The following GAB1 variants were observed in gnomAD, a reference collection of about 807,000 sequenced individuals.
GAB1 encodes the protein GRB2-associated-binding protein 1.
Under a neutral mutation model 66.5 loss-of-function variants are expected in GAB1, and 19 were observed. That is an observed-to-expected ratio of 0.29 (90% CI 0.20 to 0.42). The LOEUF (loss-of-function observed/expected upper bound fraction) is 0.42. Ranked by LOEUF, GAB1 falls within the 10% of genes least tolerant of loss-of-function variation. The pLI is 1.00. For synonymous variants in GAB1, 294 were observed against 301.4 expected (o/e 0.98, Z 0.25); for missense variants, 732 against 858.5 (o/e 0.85, Z 1.84).
At chr4:143,360,398 G>A (rs755126049) in intron 1 of GAB1, among the ~76,000 whole-genome samples, 1 of 151,352 alleles carries the variant, frequency 6.6e-6, no homozygotes, top group Non-Finnish European at 1.5e-5. Context: ...TGAACTAAAG[G>A]TTAAAAAACC....
chr4:143,339,125 A>G (rs1728749068), intron 1 of GAB1, among the ~76,000 whole-genome samples: 1 of 152,258 alleles, frequency 6.6e-6, no homozygotes, highest in African/African-American at 2.4e-5. Flanking sequence ...TCTATTTTAC[A>G]GAAAACAGTC....
rs1009292455 is a variant in GAB1, at chr4:143,445,414, CT to C, written c.1585+5036del. On this transcript the variant is annotated intron_variant, in intron 6 of 9. Transcript: ENST00000262994. ...CATTTCTAGAAGTATCAGTTCATGT[CT>C]TTTACCCATTTTTTAATGGGGTTAC... Among the ~76,000 whole-genome samples the C allele has an allele frequency of 2.6e-5, 4 of 152,172 alleles. No individual in the cohort carries two copies. The South Asian group carries it at 8.3e-4, about 32-fold the overall frequency.
In GAB1 at chr4:143,337,274, C is replaced by A. The variant is rs368281444; in HGVS notation, c.72+14C>A. Reference sequence around the variant, plus strand: ...TTGAAGCGTTATGTAAGTAGAGCTGCGGGCACCACTCCGCGGGCCTCGGCG... The same window carrying A: ...TTGAAGCGTTATGTAAGTAGAGCTGAGGGCACCACTCCGCGGGCCTCGGCG... On this transcript the variant is annotated intron_variant, in intron 1 of 9. Transcript: ENST00000262994. The A allele has an allele frequency of 6.4e-7, 1 of 1,567,480 alleles. No homozygotes were observed. The highest frequency in any genetic ancestry group is 2.3e-5 in the East Asian group (1 of 43,304).
intron 1 of GAB1, chr4:143,391,393 G>C (rs776812343): frequency 6.6e-6 from 1 of 152,174 alleles, no homozygotes; most frequent in Non-Finnish European, 1.5e-5. Context: ...GGATGGGAAT[G>C]TATTAAAAGG....
At chr4:143,426,753 T>C (rs1733379794) in intron 2 of GAB1, among the ~76,000 whole-genome samples, 1 of 152,174 alleles carries the variant, frequency 6.6e-6, no homozygotes, top group Non-Finnish European at 1.5e-5. Context: ...ATTATTAGGA[T>C]ATGACTTCTT....
intron 1 of GAB1, chr4:143,395,619 T>C (rs1020206354): frequency 1.5e-5 from 4 of 273,100 alleles, no homozygotes; most frequent in Non-Finnish European, 2.9e-5. Context: ...TAAAGACCTT[T>C]AGTTGTAACT....
chr4:143,412,270 ATGTTT>A (rs1279589465), intron 1 of GAB1, among the ~76,000 whole-genome samples: 1 of 152,096 alleles, frequency 6.6e-6, no homozygotes, highest in Non-Finnish European at 1.5e-5. Context: ...TTTTCCCAAG[ATGTTT>A]TGTGCATGTG....
chr4:143,395,751 T>A (rs1416794715), intron 1 of GAB1: 3 of 356,036 alleles, frequency 8.4e-6, no homozygotes, highest in Admixed American at 3.8e-5. Flanking sequence ...ATTATAGAAC[T>A]CTGTTATTAG....
chr4:143,399,327 A>G (rs1731627967), intron 1 of GAB1, among the ~76,000 whole-genome samples: 1 of 152,236 alleles, frequency 6.6e-6, no homozygotes, highest in Non-Finnish European at 1.5e-5. Flanking sequence ...GCACAAGGAA[A>G]TAGTTAAACC....
intron 1 of GAB1, among the ~76,000 whole-genome samples, chr4:143,394,008 T>C (rs1179973372): frequency 6.6e-6 from 1 of 152,170 alleles, no homozygotes; most frequent in Non-Finnish European, 1.5e-5. Context: ...GCGCTGTGGC[T>C]CACACCTGTA....
intron 1 of GAB1, among the ~76,000 whole-genome samples, chr4:143,376,305 A>G (rs1441897662): frequency 6.6e-6 from 1 of 152,256 alleles, no homozygotes; most frequent in East Asian, 1.9e-4. Context: ...TACTCAAAAT[A>G]AGAAAGCATA....
chr4:143,394,374 C>A lies in GAB1; in HGVS notation c.73-21103C>A, dbSNP rs950748710. ...TTCAAGGAAGTCCAGTGTTGACATC[C>A]CTCCTTCCCTTGGGAACCCACCTCA... On this transcript the variant is annotated intron_variant, in intron 1 of 9. Coordinates refer to ENST00000262994, the MANE Select transcript of GAB1 (RefSeq NM_002039.4). Among the ~76,000 whole-genome samples, 86 of 152,156 alleles carry A rather than the reference C, an allele frequency of 5.7e-4. 1 individual carries two copies. The highest frequency in any genetic ancestry group is 1.9e-3 in the African/African-American group (79 of 41,426).
chr4:143,441,973 G>T (rs1734268629), intron 6 of GAB1, among the ~76,000 whole-genome samples: 2 of 152,230 alleles, frequency 1.3e-5, no homozygotes, highest in East Asian at 3.9e-4. Context: ...GCAGGGCTGT[G>T]ATTGCGGTGT....
intron 1 of GAB1, among the ~76,000 whole-genome samples, chr4:143,406,585 G>A (rs1732054147): frequency 6.6e-6 from 1 of 152,234 alleles, no homozygotes; most frequent in African/African-American, 2.4e-5. Flanking sequence ...AGTGAACTCT[G>A]TGTCCCGATT....
intron 1 of GAB1, among the ~76,000 whole-genome samples, chr4:143,358,991 A>G (rs2149655026): frequency 6.6e-6 from 1 of 152,304 alleles, no homozygotes; most frequent in South Asian, 2.1e-4. Flanking sequence ...CTTGCTCCTT[A>G]GCTCCCTGGC....
intron 1 of GAB1, among the ~76,000 whole-genome samples, chr4:143,386,184 A>G (rs1482607549): frequency 6.6e-6 from 1 of 152,184 alleles, no homozygotes; most frequent in Non-Finnish European, 1.5e-5. Context: ...ATTTGTTTAT[A>G]AATTACCTGC....
In GAB1 at chr4:143,373,877, ATATATATATT is replaced by A. The variant is rs1489539943; in HGVS notation, c.72+36619_72+36628del. Among the ~76,000 whole-genome samples, 3 of 134,958 alleles carry A rather than the reference ATATATATATT, an allele frequency of 2.2e-5. 1 individual carries two copies. The highest frequency in any genetic ancestry group is 8.8e-5 in the African/African-American group (3 of 33,906). 88.5% of individuals were successfully genotyped at this position (134,958 alleles called of 152,430 possible). On this transcript the variant is annotated intron_variant, in intron 1 of 9. Coordinates refer to ENST00000262994, the MANE Select transcript of GAB1 (RefSeq NM_002039.4). ...TCTCTGTAAATAAATAAATATATAT[ATATATATATT>A]TTTACCTTTCTAACATTGCAGGGAG...
intron 1 of GAB1, among the ~76,000 whole-genome samples, chr4:143,379,051 G>C (rs938754869): frequency 6.6e-6 from 1 of 152,054 alleles, no homozygotes; most frequent in South Asian, 2.1e-4. Context: ...TAGAAAATGT[G>C]TTATGAAAAA....
intron 1 of GAB1, among the ~76,000 whole-genome samples, chr4:143,388,004 A>C (rs1730998397): frequency 6.6e-6 from 1 of 152,154 alleles, no homozygotes; most frequent in Non-Finnish European, 1.5e-5. Flanking sequence ...ACATGGTAGA[A>C]CATTCATGGC....
Sources: gnomAD v4.1 joint callset for allele counts (sites outside exome capture counted in the v4.1 genomes callset) on GRCh38, gnomAD v4.1.1 for gene constraint, MANE v1.5 for transcripts, NCBI Gene and HGNC (gene_info 2026-07-23, HGNC 2026-07-21) for gene names.